LIMCH1: variants seen among roughly 807,000 people sequenced by gnomAD.
The protein encoded by LIMCH1 is LIM and calponin homology domains 1.
In LIMCH1, 113 loss-of-function variants were observed where a neutral mutation model predicts 176.5. The observed-to-expected ratio is 0.64, with a 90% CI of 0.55 to 0.75. LIMCH1 has a LOEUF of 0.75. Ranked by LOEUF, LIMCH1 falls within the 30% of genes least tolerant of loss-of-function variation. The pLI is 0.00. For missense variants in LIMCH1, 1,674 were observed against 1,814.9 expected (o/e 0.92, Z 1.41); for synonymous variants, 619 against 645.9 (o/e 0.96, Z 0.63).
intron 5 of LIMCH1, among the ~76,000 whole-genome samples, chr4:41,618,170 G>T (rs1236911063): frequency 6.6e-6 from 1 of 152,168 alleles, no homozygotes; most frequent in Non-Finnish European, 1.5e-5. Context: ...TACCACCATA[G>T]TTGAATAATC....
At chr4:41,467,158 TACACACACAC>T (rs148147336) in intron 1 of LIMCH1, among the ~76,000 whole-genome samples, 35,238 of 143,424 alleles carry the variant, frequency 0.25, 5,123 homozygotes, top group South Asian at 0.48. Context: ...TATGTATATA[TACACACACAC>T]ACACACACAC....
At chr4:41,502,901 G>A (rs2073551245) in intron 2 of LIMCH1, among the ~76,000 whole-genome samples, 1 of 137,274 alleles carries the variant, frequency 7.3e-6, no homozygotes, top group South Asian at 2.3e-4. Context: ...TAAGCACGGA[G>A]GTAAATCACA....
intron 25 of LIMCH1, 62 bp from the exon 26 acceptor site, chr4:41,682,271 G>T: frequency 3.1e-6 from 4 of 1,290,784 alleles, no homozygotes; most frequent in Non-Finnish European, 4.3e-6. Context: ...CCTGGCCAGA[G>T]ATAAGGGTTA....
intron 1 of LIMCH1, among the ~76,000 whole-genome samples, chr4:41,584,863 C>G (rs2086163806): frequency 6.6e-6 from 1 of 152,176 alleles, no homozygotes; most frequent in Non-Finnish European, 1.5e-5. Context: ...AACAACAGGA[C>G]TTTATTTCTC....
chr4:41,473,612 A>T (rs950374410), intron 1 of LIMCH1, among the ~76,000 whole-genome samples: 2 of 152,228 alleles, frequency 1.3e-5, no homozygotes, highest in Admixed American at 6.5e-5. Context: ...TACTAAAAGA[A>T]AACATAGGGG....
intron 1 of LIMCH1, among the ~76,000 whole-genome samples, chr4:41,485,480 A>G (rs2069351195): frequency 6.6e-6 from 1 of 152,220 alleles, no homozygotes; most frequent in South Asian, 2.1e-4. Flanking sequence ...AAACTATGCT[A>G]TTGGGCTTTC....
At chr4:41,649,839 T>G (rs2094215615) in intron 17 of LIMCH1, among the ~76,000 whole-genome samples, 1 of 152,178 alleles carries the variant, frequency 6.6e-6, no homozygotes, top group African/African-American at 2.4e-5. Context: ...AAATGGAGGT[T>G]ATAAAAGTAA....
At chr4:41,494,395 G>A (rs13140756) in intron 1 of LIMCH1, 214,740 of 550,490 alleles carry the variant, frequency 0.39, 49,064 homozygotes, top group African/African-American at 0.85. Context: ...ATACATATAC[G>A]TACATACACA....
chr4:41,656,273 C>T (rs1406038344), intron 18 of LIMCH1, among the ~76,000 whole-genome samples: 1 of 152,158 alleles, frequency 6.6e-6, no homozygotes, highest in Non-Finnish European at 1.5e-5. Context: ...TGAGTAGGTG[C>T]CGTTTTTCTT....
chr4:41,533,400 T>A (rs2077534092), upstream of LIMCH1, among the ~76,000 whole-genome samples: 1 of 152,186 alleles, frequency 6.6e-6, no homozygotes, highest in South Asian at 2.1e-4. Context: ...AATGAAATGG[T>A]TGTATCCGTC....
chr4:41,542,055 T>C (rs2078736099), intron 1 of LIMCH1, among the ~76,000 whole-genome samples: 1 of 152,170 alleles, frequency 6.6e-6, no homozygotes, highest in African/African-American at 2.4e-5. Flanking sequence ...TGACTTCTGC[T>C]GGGCCACTCT....
intron 1 of LIMCH1, among the ~76,000 whole-genome samples, chr4:41,489,360 G>A (rs1179042935): frequency 6.6e-6 from 1 of 151,678 alleles, no homozygotes; most frequent in Non-Finnish European, 1.5e-5. Flanking sequence ...CACTTAATTT[G>A]GCCTTATTTT....
At chr4:41,579,776 T>C (rs148976645) in intron 1 of LIMCH1, among the ~76,000 whole-genome samples, 150 of 152,304 alleles carry the variant, frequency 9.8e-4, no homozygotes, top group Non-Finnish European at 1.8e-3. Flanking sequence ...TAGGGGATGA[T>C]TGCCTTTCTC....
intron 1 of LIMCH1, among the ~76,000 whole-genome samples, chr4:41,493,077 A>G (rs1015776550): frequency 1.3e-5 from 2 of 151,942 alleles, no homozygotes; most frequent in Non-Finnish European, 2.9e-5. Flanking sequence ...TTGTGTCTTT[A>G]TATTTAAAGT....
chr4:41,681,690 T>TA lies in LIMCH1; in HGVS notation c.3718-635dup, dbSNP rs559530064. Among the ~76,000 whole-genome samples the TA allele has an allele frequency of 4.9e-3, 750 of 151,798 alleles. 6 individuals are homozygous for TA. Among genetic ancestry groups the TA allele is most frequent in the African/African-American group, 0.017 (700 of 41,380 alleles). On this transcript the variant is annotated intron_variant, in intron 25 of 31. Transcript: ENST00000503057. ...CTATCTCTAAAGGAAATAATAATAA[T>TA]AAAAAAAACTAATGCATGCTGGGCT...
rs1312443391 is a variant in LIMCH1 at position 41,367,703 on chromosome 4, A to AG, written c.96+6767_96+6768insG. Among the ~76,000 whole-genome samples, 208 of 150,398 alleles carry AG rather than the reference A, an allele frequency of 1.4e-3. 2 individuals carry two copies. Among genetic ancestry groups the AG allele is most frequent in the African/African-American group, 4.8e-3 (197 of 41,044 alleles). ...AAAATCCAAAAAAAAAAAAAAAAAAAAAAGGAAAGAAAAATCATCCGGGCG... is the reference window on the plus strand; with the variant it reads ...AAAATCCAAAAAAAAAAAAAAAAAAAGAAAGGAAAGAAAAATCATCCGGGCG... On this transcript the variant is annotated intron_variant, in intron 1 of 26. Transcript: ENST00000313860.
chr4:41,610,006 C>T (rs2091236570), intron 4 of LIMCH1, among the ~76,000 whole-genome samples: 3 of 152,324 alleles, frequency 2.0e-5, no homozygotes, highest in Middle Eastern at 3.4e-3. Context: ...ACGAGCTTGG[C>T]CAAGCACAGC....
At chr4:41,521,181 T>C (rs1386535206) in intron 2 of LIMCH1, among the ~76,000 whole-genome samples, 1 of 152,182 alleles carries the variant, frequency 6.6e-6, no homozygotes, top group African/African-American at 2.4e-5. Context: ...TGATGACACA[T>C]ACTGAGGTTG....
At chr4:41,675,661 AC>A (rs1320982937) in intron 22 of LIMCH1, among the ~76,000 whole-genome samples, 1 of 87,070 alleles carries the variant, frequency 1.1e-5, no homozygotes, top group African/African-American at 4.4e-5. Context: ...CCTTCCCCCC[AC>A]CCCCCACCTG....
Sources: allele counts gnomAD v4.1 joint callset (sites outside exome capture counted in the v4.1 genomes callset), GRCh38; gene constraint gnomAD v4.1.1; transcripts MANE v1.5; gene names NCBI Gene and HGNC (gene_info 2026-07-23, HGNC 2026-07-21).